STAG2: variants seen among roughly 807,000 people sequenced by gnomAD.
STAG2 encodes STAG2 cohesin complex component.
Under a neutral mutation model 108.1 loss-of-function variants are expected in STAG2, and 14 were observed. That is an observed-to-expected ratio of 0.13 (90% CI 0.09 to 0.20). STAG2 has a LOEUF of 0.20. Ranked by LOEUF, STAG2 falls within the 10% of genes least tolerant of loss-of-function variation. STAG2 has a pLI of 1.00. For synonymous variants in STAG2, 307 were observed against 302.7 expected (o/e 1.01, Z -0.15); for missense variants, 440 against 940.9 (o/e 0.47, Z 6.96).
In STAG2 at chrX:123,981,317, C is replaced by T. The variant is rs780742652; in HGVS notation, c.-163+19461C>T. On this transcript the variant is annotated intron_variant, in intron 1 of 34. Transcript: ENST00000371145. Reference sequence around the variant, plus strand: ...GGGCCCTGTTCCTCCCTCCCTCCCTCGCTCCCTCCCACCTCCCAGCCCCTG... The same window carrying T: ...GGGCCCTGTTCCTCCCTCCCTCCCTTGCTCCCTCCCACCTCCCAGCCCCTG... Among the ~76,000 whole-genome samples the T allele has an allele frequency of 5.5e-5, 6 of 109,597 alleles. No homozygotes were observed. In the East Asian group the frequency reaches 8.6e-4, roughly 16 times the overall value.
intron 27 of STAG2, among the ~76,000 whole-genome samples, chrX:124,080,083 A>G (rs748221675): frequency 1.8e-5 from 2 of 111,596 alleles, no homozygotes; most frequent in South Asian, 7.5e-4. Flanking sequence ...AATTTAGCTA[A>G]TTAACATAAA....
At chrX:124,040,335 T>C (rs2057670148) in intron 6 of STAG2, among the ~76,000 whole-genome samples, 1 of 111,172 alleles carries the variant, frequency 9.0e-6, no homozygotes, top group Non-Finnish European at 1.9e-5. Flanking sequence ...TAGTCAGCTG[T>C]CACTTTTCTT....
At chrX:124,050,035 G>A in intron 10 of STAG2, 151 bp from the exon 11 acceptor site, 4 of 626,656 alleles carry the variant, frequency 6.4e-6, no homozygotes, top group Non-Finnish European at 7.0e-6. Context: ...TTGGCATTCA[G>A]GCCCATGCTT....
At chrX:123,982,832 A>G (rs951582594) in intron 1 of STAG2, among the ~76,000 whole-genome samples, 2 of 84,301 alleles carry the variant, frequency 2.4e-5, no homozygotes, top group Non-Finnish European at 4.4e-5. Flanking sequence ...GTCTGTTTCT[A>G]TATCCTCATT....
intron 1 of STAG2, among the ~76,000 whole-genome samples, chrX:123,996,042 A>G (rs1201871043): frequency 8.9e-6 from 1 of 112,443 alleles, no homozygotes; most frequent in Non-Finnish European, 1.9e-5. Context: ...AAGTCTTGAC[A>G]GCACTGTTGG....
chrX:124,052,859 C>T (rs1214997193), intron 13 of STAG2, among the ~76,000 whole-genome samples: 1 of 107,762 alleles, frequency 9.3e-6, no homozygotes, highest in Non-Finnish European at 1.9e-5. Context: ...CTCTGTCGCC[C>T]AGGCTGGAGT....
intron 10 of STAG2, among the ~76,000 whole-genome samples, chrX:124,049,966 T>C (rs1200723727): frequency 1.8e-5 from 2 of 112,052 alleles, no homozygotes; most frequent in Non-Finnish European, 3.8e-5. Context: ...ATTTTGTTTG[T>C]AGTTTTATAT....
At chrX:124,077,531 TA>T (rs1158390935) in intron 26 of STAG2, among the ~76,000 whole-genome samples, 4 of 111,997 alleles carry the variant, frequency 3.6e-5, no homozygotes, top group Admixed American at 9.5e-5. Flanking sequence ...GCCAAATTAA[TA>T]AAGTTTTAAA....
intron 1 of STAG2, among the ~76,000 whole-genome samples, chrX:123,972,546 C>T (rs1490171935): frequency 3.6e-5 from 4 of 109,613 alleles, no homozygotes; most frequent in African/African-American, 1.3e-4. Flanking sequence ...GCCGGGATTA[C>T]AGGCGTGAGC....
chrX:123,996,007 C>T (rs1382029034), intron 1 of STAG2, among the ~76,000 whole-genome samples: 5 of 112,054 alleles, frequency 4.5e-5, no homozygotes, highest in Admixed American at 2.9e-4. Context: ...CCACTGTTCA[C>T]TTAGCAGATT....
intron 1 of STAG2, among the ~76,000 whole-genome samples, chrX:123,974,617 C>T (rs1378567251): frequency 4.2e-5 from 4 of 94,548 alleles, no homozygotes; most frequent in Non-Finnish European, 8.3e-5. Context: ...CTCGCTCTGT[C>T]GCCCAGACTG....
chrX:124,086,870 A>G, intron 30 of STAG2, 100 bp downstream of exon 30: 1 of 676,787 alleles, frequency 1.5e-6, no homozygotes, highest in Non-Finnish European at 2.1e-6. Context: ...GTGTTCAATA[A>G]TAGCTTACAA....
chrX:124,083,343 G>A (rs1603159083), intron 28 of STAG2, 78 bp from the exon 29 acceptor site: 5 of 858,897 alleles, frequency 5.8e-6, no homozygotes, highest in South Asian at 3.3e-5. Flanking sequence ...AGTAGTGAGT[G>A]AAATTTCCTA....
intron 1 of STAG2, among the ~76,000 whole-genome samples, chrX:123,968,054 C>A (rs1245306329): frequency 9.1e-6 from 1 of 110,275 alleles, no homozygotes; most frequent in East Asian, 2.9e-4. Flanking sequence ...ATGCATGCCA[C>A]CATACCCGGC....
chrX:124,026,140 T>TAATAA (rs2057092741), intron 4 of STAG2, among the ~76,000 whole-genome samples: 1 of 103,059 alleles, frequency 9.7e-6, no homozygotes, highest in African/African-American at 3.5e-5. Flanking sequence ...ATAATAATAA[T>TAATAA]AATAATAATA....
chrX:123,971,810 A>C (rs1053319463), intron 1 of STAG2, among the ~76,000 whole-genome samples: 1 of 112,238 alleles, frequency 8.9e-6, no homozygotes, highest in Non-Finnish European at 1.9e-5. Flanking sequence ...AGAAGACAGT[A>C]GAAAGAAGAT....
chrX:124,053,348 A>G (rs2058097996), intron 13 of STAG2, among the ~76,000 whole-genome samples: 1 of 112,133 alleles, frequency 8.9e-6, no homozygotes, highest in Admixed American at 9.5e-5. Flanking sequence ...GGGACATAAA[A>G]GAAGGCTTGA....
intron 1 of STAG2, among the ~76,000 whole-genome samples, chrX:123,972,857 C>T (rs1171810589): frequency 5.8e-5 from 2 of 34,631 alleles, no homozygotes; most frequent in African/African-American, 2.6e-4. Context: ...CCCCCCTCTA[C>T]CAAAAATACA....
rs1227616200 is a variant in STAG2 at position 124,102,076 on chromosome X, A to C, written c.*1479A>C. 3.1e-5 allele frequency: 5 copies of C among 159,978 alleles called. No homozygotes were observed. Among genetic ancestry groups the C allele is most frequent in the Non-Finnish European group, 6.1e-5 (5 of 82,159 alleles). 13.2% of individuals were successfully genotyped at this position (159,978 alleles called of 1,213,427 possible). A position where few individuals can be genotyped will look rare whatever the true frequency, so the allele number is the denominator to read the frequency against. ...AAAGGCTTTCAGTTTTTAGTCAGAA[A>C]TCAAGCATTGGGCTGTGGTAGCCAA... is the stretch of plus-strand genomic sequence containing the variant. On this transcript the variant is annotated 3_prime_UTR_variant, in exon 35 of 35. Coordinates refer to ENST00000371145, the MANE Select transcript of STAG2 (RefSeq NM_001042750.2).
Sources: gnomAD v4.1 joint callset for allele counts (sites outside exome capture counted in the v4.1 genomes callset) on GRCh38, gnomAD v4.1.1 for gene constraint, MANE v1.5 for transcripts, NCBI Gene and HGNC (gene_info 2026-07-23, HGNC 2026-07-21) for gene names.